ZNF382: variants seen among roughly 807,000 people sequenced by gnomAD.
ZNF382 encodes the protein zinc finger protein 382, also known as KRAB/zinc finger suppressor protein 1.
In ZNF382, 20 loss-of-function variants were observed where a neutral mutation model predicts 38.8. The ratio of observed to expected loss-of-function variants is 0.51; its 90% CI spans 0.36 to 0.75. The LOEUF is 0.75. ZNF382 is among the 30% of genes least tolerant of loss of function. ZNF382 has a pLI of 0.00. For synonymous variants in ZNF382, 202 were observed against 223.1 expected (o/e 0.91, Z 0.84); for missense variants, 546 against 654.1 (o/e 0.83, Z 1.80).
rs148156475 is a variant in ZNF382 at position 36,613,071 on chromosome 19, G to A, written c.232+2329G>A. Among the ~76,000 whole-genome samples, 351 of 152,156 alleles carry A rather than the reference G, an allele frequency of 2.3e-3. 1 individual carries two copies. Among genetic ancestry groups the A allele is most frequent in the African/African-American group, 8.0e-3 (330 of 41,508 alleles). ...CTCCCAAAGTGCTGGGATTACAGGC[G>A]TGAGCCACTGCACCTGGCCCTGTTC... is the stretch of plus-strand genomic sequence containing the variant. On this transcript the variant is annotated intron_variant, in intron 4 of 4. Coordinates refer to ENST00000292928, the MANE Select transcript of ZNF382 (RefSeq NM_032825.5).
chr19:36,607,812 T>A, intron 2 of ZNF382, 190 bp downstream of exon 2: 1 of 583,322 alleles, frequency 1.7e-6, no homozygotes, highest in Non-Finnish European at 2.9e-6. Flanking sequence ...CTCAGGGCTG[T>A]GCCCTCCTAA....
chr19:36,610,468 A>G (rs966253688), intron 3 of ZNF382, 182 bp from the exon 4 acceptor site: 1 of 479,488 alleles, frequency 2.1e-6, no homozygotes, highest in Non-Finnish European at 3.7e-6. Context: ...AAAAAAAAGA[A>G]AAGAAAAGGA....
At chr19:36,618,259 G>T (rs1266850850) in intron 4 of ZNF382, among the ~76,000 whole-genome samples, 3 of 152,186 alleles carry the variant, frequency 2.0e-5, no homozygotes. Flanking sequence ...CAAGGTTCTT[G>T]TTGTCACAGG....
At chr19:36,624,989 A>C (rs952521469) in intron 4 of ZNF382, among the ~76,000 whole-genome samples, 1 of 150,238 alleles carries the variant, frequency 6.7e-6, no homozygotes, top group Non-Finnish European at 1.5e-5. Context: ...GATTGCTTGA[A>C]TCCAGGAGAT....
intron 4 of ZNF382, among the ~76,000 whole-genome samples, chr19:36,624,976 G>A (rs1312692720): frequency 6.6e-6 from 1 of 150,818 alleles, no homozygotes; most frequent in African/African-American, 2.4e-5. Flanking sequence ...GCTGAGGTGG[G>A]AGGATTGCTT....
At chr19:36,623,793 C>CA (rs11454382) in intron 4 of ZNF382, among the ~76,000 whole-genome samples, 66,573 of 131,658 alleles carry the variant, frequency 0.51, 16,789 homozygotes, top group East Asian at 0.82. Flanking sequence ...GACTCTGTCT[C>CA]AAAAAAAAAA....
At chr19:36,620,118 C>T (rs2145327559) in intron 4 of ZNF382, among the ~76,000 whole-genome samples, 1 of 152,200 alleles carries the variant, frequency 6.6e-6, no homozygotes, top group East Asian at 1.9e-4. Flanking sequence ...TTCTCTTTCC[C>T]TGGGCAAAGA....
At chr19:36,626,040 T>G in intron 4 of ZNF382, 90 bp from the exon 5 acceptor site, 3 of 876,174 alleles carry the variant, frequency 3.4e-6, no homozygotes, top group Non-Finnish European at 3.2e-6. Flanking sequence ...ATCACGGTAG[T>G]GAGATAGTCC....
chr19:36,615,251 TG>T (rs1243799241), intron 4 of ZNF382, among the ~76,000 whole-genome samples: 1 of 152,130 alleles, frequency 6.6e-6, no homozygotes, highest in East Asian at 1.9e-4. Flanking sequence ...CCCAAAGTGC[TG>T]GGACTACAGG....
Position 36,626,515 on chromosome 19 carries a change from A to G in ZNF382, c.618A>G (p.Gln206=). The part of the protein sequence containing the change: ...KQELIQHQKV[Q]APEQPFDHNE... The stretch of plus-strand genomic sequence containing the variant: ...AGCTTATTCAGCATCAGAAGGTTCA[A>G]GCTCCAGAGCAACCATTTGACCATA... Residue 206 remains glutamine, a synonymous_variant, in exon 5 of 5, where the codon CAA becomes CAG. Transcript: ENST00000292928. 1.2e-6 allele frequency: 2 copies of G among 1,609,004 alleles called. No homozygotes were observed. Among genetic ancestry groups the G allele is most frequent in the Non-Finnish European group, 1.7e-6 (2 of 1,178,336 alleles).
chr19:36,613,453 C>T (rs1056369017), intron 4 of ZNF382, among the ~76,000 whole-genome samples: 4 of 145,918 alleles, frequency 2.7e-5, no homozygotes, highest in South Asian at 4.4e-4. Context: ...GACAGAGTTC[C>T]GCTCTTGTTG....
At chr19:36,614,455 A>G (rs2037104748) in intron 4 of ZNF382, among the ~76,000 whole-genome samples, 1 of 152,212 alleles carries the variant, frequency 6.6e-6, no homozygotes, top group East Asian at 1.9e-4. Flanking sequence ...TAGGTTTTTT[A>G]TTAGTGAGAG....
At chr19:36,620,388 C>T (rs2037159426) in intron 4 of ZNF382, among the ~76,000 whole-genome samples, 1 of 152,172 alleles carries the variant, frequency 6.6e-6, no homozygotes, top group Non-Finnish European at 1.5e-5. Flanking sequence ...ATCTTGTTTG[C>T]TTTTATCCCC....
chr19:36,622,839 T>C (rs1282475226), intron 4 of ZNF382, among the ~76,000 whole-genome samples: 1 of 152,216 alleles, frequency 6.6e-6, no homozygotes, highest in Non-Finnish European at 1.5e-5. Flanking sequence ...GGTTAAATTC[T>C]TTACCACACA....
rs1211159492 is a variant in ZNF382, at chr19:36,630,247, C to T, written c.*2697C>T. 2 of 152,078 alleles carry T rather than the reference C, an allele frequency of 1.3e-5. No homozygotes were observed. Among genetic ancestry groups the T allele is most frequent in the Admixed American group, 1.3e-4 (2 of 15,246 alleles). 9.4% of individuals were successfully genotyped at this position (152,078 alleles called of 1,614,324 possible). A position where few individuals can be genotyped will look rare whatever the true frequency, so the allele number is the denominator to read the frequency against. Reference sequence around the variant, plus strand: ...CTATCCTCAAAAGACCCCGTGCTGTCATTTCTCAACAAAGGCGCAGAGAGA... The same window carrying T: ...CTATCCTCAAAAGACCCCGTGCTGTTATTTCTCAACAAAGGCGCAGAGAGA... On this transcript the variant is annotated 3_prime_UTR_variant, in exon 5 of 5. Coordinates refer to ENST00000292928, the MANE Select transcript of ZNF382 (RefSeq NM_032825.5).
intron 4 of ZNF382, among the ~76,000 whole-genome samples, chr19:36,620,675 T>C (rs1225572468): frequency 6.6e-6 from 1 of 152,216 alleles, no homozygotes; most frequent in Non-Finnish European, 1.5e-5. Flanking sequence ...TGACTATCAA[T>C]TGTCCTATCC....
chr19:36,620,996 T>A (rs2037164520), intron 4 of ZNF382, among the ~76,000 whole-genome samples: 1 of 152,136 alleles, frequency 6.6e-6, no homozygotes, highest in Non-Finnish European at 1.5e-5. Context: ...TGGTCTCAAG[T>A]GATGTGCCCA....
At chr19:36,608,408 G>A (rs528926858) in intron 2 of ZNF382, 1 of 151,910 alleles carries the variant, frequency 6.6e-6, no homozygotes, top group Non-Finnish European at 1.5e-5. Flanking sequence ...TTTTATTTGC[G>A]GGTGCAGGAG....
At chr19:36,625,105 TATATATATATATATATATATA>T (rs1225513808) in intron 4 of ZNF382, among the ~76,000 whole-genome samples, 15 of 125,616 alleles carry the variant, frequency 1.2e-4, no homozygotes, top group Non-Finnish European at 2.4e-4. Context: ...TATATATATA[TATATATATATATATATATATA>T]TAATGTATAC....
Sources: gnomAD v4.1 joint callset for allele counts (sites outside exome capture counted in the v4.1 genomes callset) on GRCh38, gnomAD v4.1.1 for gene constraint, MANE v1.5 for transcripts, NCBI Gene and HGNC (gene_info 2026-07-23, HGNC 2026-07-21) for gene names.